The following TPX2 variants were observed in gnomAD, a reference collection of about 807,000 sequenced individuals.
TPX2 encodes targeting protein for Xklp2.
In TPX2, 21 loss-of-function variants were observed where a neutral mutation model predicts 93.6. The observed-to-expected ratio is 0.22, with a 90% CI of 0.16 to 0.32. TPX2 has a LOEUF of 0.32. Ranked by LOEUF, TPX2 falls within the 10% of genes least tolerant of loss-of-function variation. The pLI, the probability that TPX2 is intolerant of heterozygous loss-of-function variation, is 1.00. For synonymous variants in TPX2, 281 were observed against 298.3 expected, an observed-to-expected ratio of 0.94 and a Z score of 0.60; for missense variants, 776 against 871.1, an observed-to-expected ratio of 0.89 and a Z score of 1.37.
At chr20:31,777,726 T>C in intron 9 of TPX2, 88 bp downstream of exon 9, 2 of 1,349,612 alleles carry the variant, frequency 1.5e-6, no homozygotes, top group Non-Finnish European at 2.0e-6. Flanking sequence ...TTTATAATAG[T>C]ATAATTGAGA....
intron 2 of TPX2, 53 bp from the exon 3 acceptor site, chr20:31,757,354 A>T (rs1019534441): frequency 1.5e-5 from 12 of 781,358 alleles, no homozygotes; most frequent in Non-Finnish European, 2.5e-5. Context: ...TAGTAAAACC[A>T]AAGTAATGAT....
chr20:31,775,492 C>G (rs578111005), intron 7 of TPX2, among the ~76,000 whole-genome samples: 1 of 152,114 alleles, frequency 6.6e-6, no homozygotes, highest in South Asian at 2.1e-4. Flanking sequence ...TCTCTTGCCT[C>G]AGCCTCCCCA....
intron 12 of TPX2, among the ~76,000 whole-genome samples, chr20:31,790,750 T>G (rs539679001): frequency 3.0e-4 from 46 of 152,336 alleles, no homozygotes; most frequent in African/African-American, 1.1e-3. Flanking sequence ...GCTTTATACT[T>G]GCCAAGGTCT....
chr20:31,742,850 T>G (rs372615544), intron 2 of TPX2, among the ~76,000 whole-genome samples: 39 of 152,318 alleles, frequency 2.6e-4, no homozygotes, highest in South Asian at 1.5e-3. Context: ...TTATAATTTT[T>G]TTCTATGTCT....
In TPX2 at chr20:31,742,568, A is replaced by G. The variant is rs1263614170; in HGVS notation, c.-150A>G. 1 of 152,220 alleles carries G rather than the reference A, an allele frequency of 6.6e-6. No individual in the cohort carries two copies. Among genetic ancestry groups the G allele is most frequent in the East Asian group, 1.9e-4 (1 of 5,200 alleles). 9.4% of individuals were successfully genotyped at this position (152,220 alleles called of 1,614,324 possible). A position where few individuals can be genotyped will look rare whatever the true frequency, so the allele number is the denominator to read the frequency against. On this transcript the variant is annotated 5_prime_UTR_variant, in exon 2 of 18. Coordinates refer to ENST00000300403, the MANE Select transcript of TPX2 (RefSeq NM_012112.5). ...TCTTGATACATATTTGCCAGACTTC[A>G]AGATTTCAGAAAAGGGGTGAAAGAG...
chr20:31,785,315 A>G (rs1378404045), intron 12 of TPX2, among the ~76,000 whole-genome samples: 1 of 152,032 alleles, frequency 6.6e-6, no homozygotes, highest in African/African-American at 2.4e-5. Flanking sequence ...GTCTTTACCC[A>G]TTGAGGAAAC....
intron 4 of TPX2, among the ~76,000 whole-genome samples, chr20:31,764,122 G>C (rs575751728): frequency 3.6e-5 from 5 of 137,722 alleles, no homozygotes; most frequent in Admixed American, 1.4e-4. Context: ...ATGTATGTGT[G>C]TATATATGTA....
chr20:31,797,984 C>T (rs761991828), intron 16 of TPX2, among the ~76,000 whole-genome samples: 80 of 152,176 alleles, frequency 5.3e-4, no homozygotes, highest in Non-Finnish European at 5.1e-4. Context: ...ATCACTTGAG[C>T]CCAGGGATTT....
rs1404637439 is a variant in TPX2, at chr20:31,798,422, C to T, written c.2003C>T (p.Ala668Val). 1 of 1,613,880 alleles carries T rather than the reference C, an allele frequency of 6.2e-7. No homozygotes were observed. Among genetic ancestry groups the T allele is most frequent in the Non-Finnish European group, 8.5e-7 (1 of 1,180,026 alleles). ...TTTCAGCTGGCTACTGAGAAGAGAG[C>T]CAAAGAGCGGCAGGAGCTGGAGAAG... ...EPFQLATEKR[A>V]KERQELEKRM... Residue 668 changes from alanine (A) to valine (V), a missense_variant, in exon 17 of 18, where the codon GCC (alanine) becomes GTC (valine). Coordinates refer to ENST00000300403, the MANE Select transcript of TPX2 (RefSeq NM_012112.5).
At chr20:31,793,682 G>A (rs1365788345) in intron 13 of TPX2, among the ~76,000 whole-genome samples, 166 bp from the exon 14 acceptor site, 1 of 152,140 alleles carries the variant, frequency 6.6e-6, no homozygotes, top group Non-Finnish European at 1.5e-5. Context: ...GGTGGTAGAT[G>A]ACTTACCTAA....
chr20:31,752,713 C>T (rs1219070348), intron 2 of TPX2, among the ~76,000 whole-genome samples: 1 of 152,016 alleles, frequency 6.6e-6, no homozygotes, highest in Admixed American at 6.6e-5. Flanking sequence ...CCCGGGTTCA[C>T]ACCATTCTCC....
chr20:31,775,794 G>T, intron 7 of TPX2, 73 bp from the exon 8 acceptor site: 2 of 1,355,524 alleles, frequency 1.5e-6, no homozygotes. Flanking sequence ...ATTATATAAT[G>T]CCTGTAGATT....
chr20:31,798,254 A>C (rs2062150015), intron 16 of TPX2, 111 bp from the exon 17 acceptor site: 6 of 1,357,338 alleles, frequency 4.4e-6, no homozygotes, highest in Non-Finnish European at 6.2e-6. Flanking sequence ...GCTTGTTTAG[A>C]GCACAGTCTT....
chr20:31,750,649 A>G (rs2061814186), intron 2 of TPX2, among the ~76,000 whole-genome samples: 1 of 151,822 alleles, frequency 6.6e-6, no homozygotes, highest in Non-Finnish European at 1.5e-5. Flanking sequence ...TATTTTTAGT[A>G]GAAAGATGGG....
intron 9 of TPX2, 136 bp from the exon 10 acceptor site, chr20:31,778,677 A>G (rs1188828579): frequency 2.0e-5 from 15 of 752,356 alleles, no homozygotes; most frequent in Admixed American, 5.9e-5. Flanking sequence ...TTGCTCAAGG[A>G]CTGACAAACT....
intron 4 of TPX2, among the ~76,000 whole-genome samples, chr20:31,765,614 C>A (rs972644142): frequency 6.6e-6 from 1 of 152,176 alleles, no homozygotes; most frequent in Admixed American, 6.6e-5. Context: ...GCTGTGGTTA[C>A]ATTCATAATG....
intron 2 of TPX2, among the ~76,000 whole-genome samples, chr20:31,748,183 C>T (rs2061795820): frequency 1.3e-5 from 2 of 152,056 alleles, no homozygotes; most frequent in South Asian, 4.1e-4. Context: ...AAGAACAGGT[C>T]ATGTTAGGAA....
chr20:31,771,766 G>C, intron 7 of TPX2, 84 bp downstream of exon 7: 2 of 1,496,772 alleles, frequency 1.3e-6, no homozygotes, highest in Non-Finnish European at 8.9e-7. Flanking sequence ...GGTGTACCTG[G>C]AGGTTGGCAA....
intron 10 of TPX2, chr20:31,781,075 C>T (rs968503985): frequency 1.0e-5 from 2 of 196,680 alleles, no homozygotes; most frequent in South Asian, 7.0e-5. Context: ...AGGTGCATGC[C>T]ACCATGCTTA....
Sources: allele counts gnomAD v4.1 joint callset (sites outside exome capture counted in the v4.1 genomes callset), GRCh38; gene constraint gnomAD v4.1.1; transcripts MANE v1.5; gene names NCBI Gene and HGNC (gene_info 2026-07-23, HGNC 2026-07-21).